Variants in KHDRBS3 observed in about 807,000 individuals in gnomAD.
KHDRBS3 encodes the protein KH domain-containing, RNA-binding, signal transduction-associated protein 3.
KHDRBS3 carries 23 observed loss-of-function variants against 45.6 expected under a neutral mutation model. The observed-to-expected ratio is 0.50, with a 90% confidence interval of 0.36 to 0.72. The LOEUF is 0.72. Among genes scored for constraint, KHDRBS3 ranks in the 30% least tolerant of loss-of-function variants. The probability of loss-of-function intolerance (pLI) is 0.00; values close to 1 mark genes in which losing one functional copy is unlikely to be tolerated. For missense variants in KHDRBS3, 352 were observed against 424.8 expected, an observed-to-expected ratio of 0.83 and a Z score of 1.51; for synonymous variants, 162 against 156.5, an observed-to-expected ratio of 1.04 and a Z score of -0.26.
intron 1 of KHDRBS3, among the ~76,000 whole-genome samples, chr8:135,481,273 C>CTG (rs781285699): frequency 0.04 from 1,446 of 36,490 alleles, 56 homozygotes; most frequent in African/African-American, 0.18. Flanking sequence ...CTTCTGTGTA[C>CTG]TTTTTTTTTT....
chr8:135,625,020 T>C (rs1200183137), intron 7 of KHDRBS3, among the ~76,000 whole-genome samples: 5 of 152,148 alleles, frequency 3.3e-5, no homozygotes, highest in African/African-American at 4.8e-5. Context: ...CTCAAACTTA[T>C]TGGAAAAGGA....
chr8:135,606,093 G>A (rs1829449909), intron 6 of KHDRBS3, among the ~76,000 whole-genome samples: 1 of 151,860 alleles, frequency 6.6e-6, no homozygotes, highest in African/African-American at 2.4e-5. Context: ...GCTAATGATT[G>A]GGCAGAGATT....
chr8:135,541,779 A>T (rs1470149871), intron 2 of KHDRBS3: 2 of 152,190 alleles, frequency 1.3e-5, no homozygotes, highest in Non-Finnish European at 2.9e-5. Flanking sequence ...AAATTGTGTG[A>T]AATTCCTGAT....
intron 5 of KHDRBS3, among the ~76,000 whole-genome samples, chr8:135,565,924 G>A (rs1827391156): frequency 6.6e-6 from 1 of 152,118 alleles, no homozygotes; most frequent in South Asian, 2.1e-4. Context: ...TCAAGTAATT[G>A]CTTTTTGTAT....
intron 5 of KHDRBS3, among the ~76,000 whole-genome samples, chr8:135,567,401 A>G (rs993426413): frequency 2.6e-5 from 4 of 152,164 alleles, no homozygotes; most frequent in African/African-American, 9.7e-5. Flanking sequence ...CCCTATGTTT[A>G]ATTATTGAAA....
intron 1 of KHDRBS3, among the ~76,000 whole-genome samples, chr8:135,491,947 T>A (rs1227913596): frequency 2.1e-5 from 3 of 145,236 alleles, no homozygotes; most frequent in Non-Finnish European, 3.0e-5. Flanking sequence ...TTTTTTTTTT[T>A]AAGCCAATTT....
chr8:135,601,410 G>A (rs1015731729), intron 6 of KHDRBS3, among the ~76,000 whole-genome samples: 1 of 152,172 alleles, frequency 6.6e-6, no homozygotes, highest in African/African-American at 2.4e-5. Context: ...ATGGGACTCA[G>A]AAGTTATAAC....
intron 6 of KHDRBS3, among the ~76,000 whole-genome samples, chr8:135,589,372 G>A (rs1176334525): frequency 6.6e-6 from 1 of 152,162 alleles, no homozygotes; most frequent in Non-Finnish European, 1.5e-5. Context: ...AGTCTCTTCA[G>A]GATAAAGTTG....
At chr8:135,489,436 T>G (rs967966517) in intron 1 of KHDRBS3, among the ~76,000 whole-genome samples, 1 of 152,114 alleles carries the variant, frequency 6.6e-6, no homozygotes, top group Non-Finnish European at 1.5e-5. Flanking sequence ...TCCCAGCACT[T>G]TGGGAGGCCG....
rs1829493649 is a variant in KHDRBS3, at chr8:135,606,983, A to T, written c.836A>T (p.Tyr279Phe). 1.2e-6 allele frequency: 2 copies of T among 1,613,542 alleles called. No individual in the cohort carries two copies. Among genetic ancestry groups the T allele is most frequent in the African/African-American group, 1.3e-5 (1 of 74,922 alleles). The change falls in exon 7 of 9, where the codon TAT becomes TTT. Residue 279 changes from tyrosine to phenylalanine, a missense_variant. Tyr to Phe is a conservative substitution (Grantham distance 22, BLOSUM62 3). Around this residue, in one of 6 missense-constraint regions of KHDRBS3, gnomAD observed 212 missense variants for 209.6 expected, o/e 1.01. Coordinates refer to ENST00000355849, the MANE Select transcript of KHDRBS3 (RefSeq NM_006558.3). ...TATGATGATGGATATGGCACTGCTT[A>T]TGATGAACAGAGTTATGATTCCTAT... is the stretch of plus-strand genomic sequence containing the variant. ...YDYDDGYGTA[Y>F]DEQSYDSYDN...
At chr8:135,581,395 G>T (rs949268431) in intron 5 of KHDRBS3, among the ~76,000 whole-genome samples, 7 of 152,178 alleles carry the variant, frequency 4.6e-5, no homozygotes, top group Admixed American at 3.9e-4. Context: ...CATTATTCAG[G>T]AAAGTATATT....
chr8:135,513,224 C>T (rs1438299333), intron 1 of KHDRBS3, among the ~76,000 whole-genome samples: 2 of 151,886 alleles, frequency 1.3e-5, no homozygotes, highest in East Asian at 1.9e-4. Flanking sequence ...AAAAGCTGGA[C>T]ACAGACTTGC....
chr8:135,645,191 GAAGAGAATAAGGAC>G (rs1831234200), intron 8 of KHDRBS3, 74 bp downstream of exon 8: 1 of 1,486,812 alleles, frequency 6.7e-7, no homozygotes, highest in Admixed American at 1.7e-5. Flanking sequence ...ATATTAATGG[GAAGAGAATAAGGAC>G]ATTTGGACTC....
chr8:135,507,811 C>T (rs1030470759), intron 1 of KHDRBS3, among the ~76,000 whole-genome samples: 3 of 152,164 alleles, frequency 2.0e-5, no homozygotes, highest in African/African-American at 7.2e-5. Context: ...TATTTCATTT[C>T]CACAGAGGCT....
chr8:135,534,967 A>G (rs944369771), intron 2 of KHDRBS3, among the ~76,000 whole-genome samples: 1 of 152,196 alleles, frequency 6.6e-6, no homozygotes, highest in Non-Finnish European at 1.5e-5. Context: ...GTCCCCGCTG[A>G]CAGCCACCAC....
At chr8:135,548,029 C>A (rs1292948125) in intron 3 of KHDRBS3, among the ~76,000 whole-genome samples, 1 of 152,090 alleles carries the variant, frequency 6.6e-6, no homozygotes. Context: ...GTAATAAAGT[C>A]TTTCATTTTG....
chr8:135,477,536 A>C (rs6996533), intron 1 of KHDRBS3, among the ~76,000 whole-genome samples: 121,362 of 152,202 alleles, frequency 0.8, 48,875 homozygotes, highest in East Asian at 0.96. Context: ...CTTATATTGA[A>C]CCTGATGAGC....
chr8:135,580,118 C>A (rs1180136932), intron 5 of KHDRBS3, among the ~76,000 whole-genome samples: 1 of 152,208 alleles, frequency 6.6e-6, no homozygotes, highest in Non-Finnish European at 1.5e-5. Context: ...TTGAGAGATA[C>A]TTCCTTTGTC....
At chr8:135,630,717 G>A (rs1830560804) in intron 7 of KHDRBS3, among the ~76,000 whole-genome samples, 1 of 152,094 alleles carries the variant, frequency 6.6e-6, no homozygotes, top group South Asian at 2.1e-4. Context: ...GGTAACGGTG[G>A]TCAGTATCTG....
Sources: gnomAD v4.1 joint callset for allele counts (sites outside exome capture counted in the v4.1 genomes callset) on GRCh38, gnomAD v4.1.1 for gene constraint, gnomAD v4.1.1 regional missense constraint, MANE v1.5 for transcripts, NCBI Gene and HGNC (gene_info 2026-07-23, HGNC 2026-07-21) for gene names.